The following PDE7B variants were observed in gnomAD, a reference collection of about 807,000 sequenced individuals.
PDE7B encodes 3',5'-cyclic-AMP phosphodiesterase 7B.
A neutral mutation model predicts 56.2 loss-of-function variants in PDE7B; 29 were observed. That is an observed-to-expected ratio of 0.52 (90% CI 0.38 to 0.70). The LOEUF (loss-of-function observed/expected upper bound fraction) is 0.70. Among genes scored for constraint, PDE7B ranks in the 30% least tolerant of loss-of-function variants. The pLI, the probability that PDE7B is intolerant of heterozygous loss-of-function variation, is 0.00. For synonymous variants in PDE7B, 197 were observed against 196.9 expected, an observed-to-expected ratio of 1.00 and a Z score of 0.00; for missense variants, 490 against 565.0, an observed-to-expected ratio of 0.87 and a Z score of 1.35.
chr6:136,148,727 A>G (rs1778462664), intron 4 of PDE7B, among the ~76,000 whole-genome samples: 1 of 152,088 alleles, frequency 6.6e-6, no homozygotes, highest in Non-Finnish European at 1.5e-5. Flanking sequence ...CTAAGCAGCC[A>G]CCTCTCAAGA....
At chr6:136,173,744 G>A (rs767119083) in intron 8 of PDE7B, 53 bp from the exon 9 acceptor site, 1 of 1,156,230 alleles carries the variant, frequency 8.6e-7, no homozygotes, top group South Asian at 1.2e-5. Flanking sequence ...CAGCATGAAA[G>A]ATCAGTATCT....
intron 2 of PDE7B, among the ~76,000 whole-genome samples, chr6:136,004,991 G>T (rs1244147807): frequency 6.6e-6 from 1 of 151,966 alleles, no homozygotes; most frequent in East Asian, 1.9e-4. Flanking sequence ...GCATGGTACT[G>T]GTACCAATAC....
intron 2 of PDE7B, among the ~76,000 whole-genome samples, chr6:136,101,295 C>T (rs1381188527): frequency 6.6e-6 from 1 of 152,100 alleles, no homozygotes; most frequent in African/African-American, 2.4e-5. Flanking sequence ...AGTTAGAGAG[C>T]ATTTCCTCTT....
chr6:135,876,969 A>C (rs768442729), intron 1 of PDE7B, among the ~76,000 whole-genome samples: 2 of 151,674 alleles, frequency 1.3e-5, no homozygotes, highest in African/African-American at 2.4e-5. Context: ...TTTCTCTTCC[A>C]GTTCAGTATT....
At chr6:136,063,830 C>T (rs1776886921) in intron 2 of PDE7B, among the ~76,000 whole-genome samples, 1 of 152,158 alleles carries the variant, frequency 6.6e-6, no homozygotes, top group South Asian at 2.1e-4. Context: ...TCCAAATTCC[C>T]TTATCCTTCA....
Position 136,142,690 on chromosome 6 carries a change from C to A in PDE7B, c.167-4661C>A, listed in dbSNP as rs191369958. On this transcript the variant is annotated intron_variant, in intron 3 of 12. Coordinates refer to ENST00000308191, the MANE Select transcript of PDE7B (RefSeq NM_018945.4). Reference sequence around the variant, plus strand: ...TTAGCTCTTCTTGTTGAATTGATCCCTTTACCATTATGTAATGGCTTTCTT... The same window carrying A: ...TTAGCTCTTCTTGTTGAATTGATCCATTTACCATTATGTAATGGCTTTCTT... Among the ~76,000 whole-genome samples, 315 of 152,254 alleles carry A rather than the reference C, an allele frequency of 2.1e-3. 5 individuals carry two copies. The highest frequency in any genetic ancestry group is 0.017 in the Admixed American group (256 of 15,288).
chr6:135,920,319 G>C (rs939045495), intron 1 of PDE7B, among the ~76,000 whole-genome samples: 3 of 152,102 alleles, frequency 2.0e-5, no homozygotes, highest in Non-Finnish European at 4.4e-5. Flanking sequence ...TTAACACCTA[G>C]GTTGGCATAT....
At chr6:136,066,957 G>A (rs1471779526) in intron 2 of PDE7B, among the ~76,000 whole-genome samples, 1 of 151,612 alleles carries the variant, frequency 6.6e-6, no homozygotes, top group African/African-American at 2.4e-5. Context: ...CTGGCCGCAA[G>A]TGATCCTCCC....
intron 1 of PDE7B, among the ~76,000 whole-genome samples, chr6:135,906,915 C>A (rs953169704): frequency 7.2e-6 from 1 of 138,142 alleles, no homozygotes; most frequent in African/African-American, 2.7e-5. Flanking sequence ...TGCATTTTTA[C>A]CTTTCATATT....
intron 1 of PDE7B, among the ~76,000 whole-genome samples, chr6:135,870,884 G>GA (rs1473587546): frequency 1.3e-5 from 2 of 152,088 alleles, no homozygotes; most frequent in Non-Finnish European, 1.5e-5. Context: ...TGGGGAGGTT[G>GA]GGAAAGGAGG....
intron 5 of PDE7B, among the ~76,000 whole-genome samples, chr6:136,149,408 T>A (rs1471552573): frequency 6.6e-6 from 1 of 152,196 alleles, no homozygotes; most frequent in African/African-American, 2.4e-5. Flanking sequence ...AAACCACAGA[T>A]TAGATTCTTT....
chr6:136,052,583 C>G (rs1336073626), intron 2 of PDE7B, among the ~76,000 whole-genome samples: 1 of 151,726 alleles, frequency 6.6e-6, no homozygotes, highest in Non-Finnish European at 1.5e-5. Flanking sequence ...CCACCCAGAG[C>G]TCAGTTCTTG....
chr6:136,131,258 A>G (rs1302875688), intron 3 of PDE7B, among the ~76,000 whole-genome samples: 3 of 152,136 alleles, frequency 2.0e-5, no homozygotes, highest in Non-Finnish European at 2.9e-5. Flanking sequence ...AAAATTATCA[A>G]TGTAGGTAGA....
At chr6:136,082,958 CATAAAT>C (rs1483032412) in intron 2 of PDE7B, among the ~76,000 whole-genome samples, 1 of 152,206 alleles carries the variant, frequency 6.6e-6, no homozygotes, top group Non-Finnish European at 1.5e-5. Context: ...GCATCAATTA[CATAAAT>C]ATAAAGATTG....
chr6:136,103,310 T>A (rs745597244), intron 2 of PDE7B, among the ~76,000 whole-genome samples: 1 of 152,200 alleles, frequency 6.6e-6, no homozygotes, highest in Non-Finnish European at 1.5e-5. Context: ...GGAACAATAA[T>A]CTCTGCCTAA....
At chr6:136,115,261 A>G (rs1319252593) in intron 3 of PDE7B, among the ~76,000 whole-genome samples, 1 of 152,168 alleles carries the variant, frequency 6.6e-6, no homozygotes, top group Non-Finnish European at 1.5e-5. Flanking sequence ...GATTCAGAGG[A>G]GTTCGAGAAG....
rs567034976 is a variant in PDE7B at position 136,015,710 on chromosome 6, C to T, written c.82+68186C>T. Among the ~76,000 whole-genome samples the T allele has an allele frequency of 6.4e-4, 98 of 152,094 alleles. 1 individual carries two copies. Among genetic ancestry groups the T allele is most frequent in the Admixed American group, 1.2e-3 (19 of 15,276 alleles). On this transcript the variant is annotated intron_variant, in intron 2 of 12. Transcript: ENST00000308191. Reference sequence around the variant, plus strand: ...CAGATAAATATACATTCTTGATTCCCGGATTCCTTCCATTCTTGGTGCAAT... The same window carrying T: ...CAGATAAATATACATTCTTGATTCCTGGATTCCTTCCATTCTTGGTGCAAT...
chr6:136,187,569 T>TC (rs1018142167), intron 12 of PDE7B, among the ~76,000 whole-genome samples: 2 of 152,170 alleles, frequency 1.3e-5, no homozygotes, highest in African/African-American at 4.8e-5. Context: ...AGCCATGCTA[T>TC]CCCGCCGCAT....
chr6:136,019,690 A>G (rs1776037247), intron 2 of PDE7B, among the ~76,000 whole-genome samples: 1 of 152,244 alleles, frequency 6.6e-6, no homozygotes. Context: ...TATTTTGACC[A>G]GAAGCCTTAC....
Sources: allele counts gnomAD v4.1 joint callset (sites outside exome capture counted in the v4.1 genomes callset), GRCh38; gene constraint gnomAD v4.1.1; transcripts MANE v1.5; gene names NCBI Gene and HGNC (gene_info 2026-07-23, HGNC 2026-07-21).